Variants in PSTPIP2 observed in about 807,000 individuals in gnomAD.
PSTPIP2 encodes the protein proline-serine-threonine phosphatase interacting protein 2, also known as proline-serine-threonine phosphatase-interacting protein 2.
Under a neutral mutation model 63.3 loss-of-function variants are expected in PSTPIP2, and 33 were observed. That is an observed-to-expected ratio of 0.52 (90% CI 0.40 to 0.70). The LOEUF is 0.70. PSTPIP2 is among the 30% of genes least tolerant of loss of function. The pLI, the probability that PSTPIP2 is intolerant of heterozygous loss-of-function variation, is 0.00. For synonymous variants in PSTPIP2, 125 were observed against 132.7 expected (o/e 0.94, Z 0.40); for missense variants, 312 against 400.7 (o/e 0.78, Z 1.89).
intron 9 of PSTPIP2, 177 bp from the exon 10 acceptor site, chr18:45,993,880 A>C (rs1247292473): frequency 6.7e-6 from 4 of 599,672 alleles, no homozygotes; most frequent in Non-Finnish European, 1.2e-5. Flanking sequence ...AAAGAATGCA[A>C]ACAAATCCTA....
At chr18:46,030,237 C>G (rs1310966580) in intron 2 of PSTPIP2, among the ~76,000 whole-genome samples, 1 of 152,124 alleles carries the variant, frequency 6.6e-6, no homozygotes, top group African/African-American at 2.4e-5. Flanking sequence ...ACAAGAGAAG[C>G]CTGTCTTGAT....
In PSTPIP2 at chr18:45,988,813, A is replaced by G. The variant is rs989172276; in HGVS notation, c.956-54T>C. On this transcript the variant is annotated intron_variant, in intron 13 of 14. Coordinates refer to ENST00000409746, the MANE Select transcript of PSTPIP2 (RefSeq NM_024430.4). ...AGTAACATCAATTTTTCATAATAAG[A>G]TCTCACCCTTTTCAAGCCAGGGCAT... The G allele has an allele frequency of 4.9e-6, 7 of 1,417,808 alleles. No homozygotes were observed. In the South Asian group the frequency reaches 6.9e-5, roughly 14 times the overall value. The allele number at this position is 1,417,808 out of a possible 1,614,324, so 87.8% of individuals were successfully genotyped here.
chr18:46,064,557 C>A (rs1356589548), intron 1 of PSTPIP2, among the ~76,000 whole-genome samples: 1 of 151,038 alleles, frequency 6.6e-6, no homozygotes, highest in Non-Finnish European at 1.5e-5. Context: ...GCCTGGGCCT[C>A]CCAAAGTGCT....
intron 1 of PSTPIP2, among the ~76,000 whole-genome samples, chr18:46,041,468 G>C (rs1908193713): frequency 6.6e-6 from 1 of 152,152 alleles, no homozygotes; most frequent in East Asian, 1.9e-4. Flanking sequence ...GTCTGGTCTC[G>C]AACTCCTGAC....
At chr18:46,015,790 A>G (rs150073144) in intron 4 of PSTPIP2, 113 bp downstream of exon 4, 3 of 1,226,920 alleles carry the variant, frequency 2.4e-6, no homozygotes, top group Non-Finnish European at 3.4e-6. Flanking sequence ...GAGTTGCTCT[A>G]ATTTTTTTTC....
chr18:46,019,572 G>C (rs568506197), intron 3 of PSTPIP2, among the ~76,000 whole-genome samples: 6 of 152,128 alleles, frequency 3.9e-5, no homozygotes, highest in Non-Finnish European at 7.4e-5. Flanking sequence ...AGGCCAAGGC[G>C]GGAGGATCAT....
Position 46,072,252 on chromosome 18 carries a change from A to ACTGC in PSTPIP2, c.-68_-65dup, listed in dbSNP as rs1599758753. 7 of 1,508,596 alleles carry ACTGC rather than the reference A, an allele frequency of 4.6e-6. No homozygotes were observed. In the East Asian group the frequency reaches 1.9e-4, roughly 41 times the overall value. The allele number at this position is 1,508,596 out of a possible 1,614,324, so 93.5% of individuals were successfully genotyped here. ...AGGTAGCACAGAGCGGGGAGGCCTG[A>ACTGC]CTGCCACTGCCCGCGGCTCCGCAGA... On this transcript the variant is annotated 5_prime_UTR_variant, in exon 1 of 15. Coordinates refer to ENST00000409746, the MANE Select transcript of PSTPIP2 (RefSeq NM_024430.4).
At chr18:45,993,755 A>G (rs894127157) in intron 9 of PSTPIP2, 52 bp from the exon 10 acceptor site, 5 of 1,513,746 alleles carry the variant, frequency 3.3e-6, no homozygotes, top group Non-Finnish European at 4.6e-6. Context: ...AGGACCATTC[A>G]TTTTGGCTAG....
chr18:45,992,270 C>G (rs2051543748), intron 10 of PSTPIP2, 68 bp from the exon 11 acceptor site: 1 of 1,391,290 alleles, frequency 7.2e-7, no homozygotes, highest in Non-Finnish European at 1.0e-6. Context: ...TCCTTAAAAA[C>G]ATGGGTTTGA....
At chr18:46,024,364 C>A (rs1907499867) in intron 3 of PSTPIP2, among the ~76,000 whole-genome samples, 1 of 152,092 alleles carries the variant, frequency 6.6e-6, no homozygotes, top group Admixed American at 6.5e-5. Flanking sequence ...TCTTGAACTC[C>A]TGGGCCCAAG....
intron 9 of PSTPIP2, among the ~76,000 whole-genome samples, chr18:45,997,337 C>T (rs963262292): frequency 2.6e-5 from 4 of 152,048 alleles, no homozygotes; most frequent in South Asian, 4.2e-4. Context: ...TACAGGTGTG[C>T]GCCACCACAC....
chr18:46,060,748 A>C (rs9807399), intron 1 of PSTPIP2, among the ~76,000 whole-genome samples: 64,384 of 152,120 alleles, frequency 0.42, 14,857 homozygotes, highest in Middle Eastern at 0.56. Flanking sequence ...GGCTCCGCCC[A>C]GAGGACTGGT....
intron 1 of PSTPIP2, among the ~76,000 whole-genome samples, chr18:46,069,724 G>C (rs938043000): frequency 6.6e-6 from 1 of 152,186 alleles, no homozygotes; most frequent in Non-Finnish European, 1.5e-5. Context: ...AAACACGTTT[G>C]ACCACAGTCC....
At chr18:46,056,129 A>T (rs1001107578) in intron 1 of PSTPIP2, among the ~76,000 whole-genome samples, 26 of 152,154 alleles carry the variant, frequency 1.7e-4, no homozygotes, top group Non-Finnish European at 3.7e-4. Flanking sequence ...GGCTGGGATG[A>T]TGGGGAATCT....
chr18:46,012,290 C>T (rs1199970111), intron 4 of PSTPIP2, among the ~76,000 whole-genome samples: 1 of 151,872 alleles, frequency 6.6e-6, no homozygotes, highest in Non-Finnish European at 1.5e-5. Context: ...ACAGCACAAC[C>T]TTTCTGGAGG....
chr18:46,066,716 C>T (rs1909201439), intron 1 of PSTPIP2, among the ~76,000 whole-genome samples: 1 of 152,258 alleles, frequency 6.6e-6, no homozygotes, highest in African/African-American at 2.4e-5. Flanking sequence ...CAGCCAGTCA[C>T]AGCAGAACAG....
chr18:45,989,340 C>T lies in PSTPIP2; in HGVS notation c.956-581G>A, dbSNP rs1212087499. Among the ~76,000 whole-genome samples, 4 of 152,290 alleles carry T rather than the reference C, an allele frequency of 2.6e-5. No individual in the cohort carries two copies. The South Asian group carries it at 8.3e-4, about 32-fold the overall frequency. Reference sequence around the variant, plus strand: ...AATGTTGTCCTGGTAGTGAATAAGTCTCACGAGATCTGATGGTTTTATCAG... The same window carrying T: ...AATGTTGTCCTGGTAGTGAATAAGTTTCACGAGATCTGATGGTTTTATCAG... On this transcript the variant is annotated intron_variant, in intron 13 of 14. Coordinates refer to ENST00000409746, the MANE Select transcript of PSTPIP2 (RefSeq NM_024430.4).
intron 3 of PSTPIP2, among the ~76,000 whole-genome samples, chr18:46,017,000 C>T (rs1035745456): frequency 5.3e-5 from 8 of 152,284 alleles, no homozygotes; most frequent in African/African-American, 1.7e-4. Context: ...ATTCTTTGCT[C>T]ACTATTCCGT....
intron 13 of PSTPIP2, chr18:45,990,055 C>G (rs1448813624): frequency 6.6e-6 from 1 of 152,222 alleles, no homozygotes; most frequent in African/African-American, 2.4e-5. Context: ...TTAAAGATAA[C>G]ATTAAGTGAC....
Sources: allele counts gnomAD v4.1 joint callset (sites outside exome capture counted in the v4.1 genomes callset), GRCh38; gene constraint gnomAD v4.1.1; transcripts MANE v1.5; gene names NCBI Gene and HGNC (gene_info 2026-07-23, HGNC 2026-07-21).